Variants in SMURF1 observed in about 807,000 individuals in gnomAD.
SMURF1 encodes E3 ubiquitin-protein ligase SMURF1.
Under a neutral mutation model 98.0 loss-of-function variants are expected in SMURF1, and 44 were observed. That is an observed-to-expected ratio of 0.45 (90% confidence interval 0.35 to 0.58). The LOEUF (loss-of-function observed/expected upper bound fraction) is 0.58. Among genes scored for constraint, SMURF1 ranks in the 20% least tolerant of loss-of-function variants. SMURF1 has a pLI of 0.00. For synonymous variants in SMURF1, 396 were observed against 374.9 expected (o/e 1.06, Z -0.65); for missense variants, 687 against 938.4 (o/e 0.73, Z 3.50).
chr7:99,034,224 GCCAC>G (rs1795032952), intron 16 of SMURF1, among the ~76,000 whole-genome samples: 1 of 152,180 alleles, frequency 6.6e-6, no homozygotes, highest in African/African-American at 2.4e-5. Context: ...CTCTGCCCGG[GCCAC>G]CATTCAGTGC....
chr7:99,046,193 GT>G (rs1795567912), intron 10 of SMURF1, among the ~76,000 whole-genome samples: 1 of 152,122 alleles, frequency 6.6e-6, no homozygotes, highest in Non-Finnish European at 1.5e-5. Context: ...TGCTAAGAGA[GT>G]TCTGAGCCTC....
chr7:99,073,428 A>T (rs1296513247), intron 1 of SMURF1, among the ~76,000 whole-genome samples: 1 of 150,186 alleles, frequency 6.7e-6, no homozygotes, highest in Non-Finnish European at 1.5e-5. Context: ...TTTCCAGTCG[A>T]TGTAGCTAAC....
intron 1 of SMURF1, among the ~76,000 whole-genome samples, chr7:99,129,470 T>G (rs1797818682): frequency 6.6e-6 from 1 of 152,230 alleles, no homozygotes; most frequent in African/African-American, 2.4e-5. Context: ...CAGCTCATTG[T>G]AGCCTCAACC....
intron 1 of SMURF1, among the ~76,000 whole-genome samples, chr7:99,140,361 A>C (rs1798090698): frequency 7.4e-6 from 1 of 135,032 alleles, no homozygotes; most frequent in Admixed American, 9.1e-5. Context: ...ATCTCGGTTC[A>C]CTGCAAGCTC....
intron 3 of SMURF1, among the ~76,000 whole-genome samples, chr7:99,059,674 C>T (rs1471462327): frequency 6.6e-6 from 1 of 151,814 alleles, no homozygotes; most frequent in African/African-American, 2.4e-5. Context: ...CTTTGGGAGG[C>T]TGAGGCGGGT....
At chr7:99,040,707 G>A in intron 12 of SMURF1, 151 bp from the exon 13 acceptor site, 2 of 656,580 alleles carry the variant, frequency 3.0e-6, no homozygotes, top group Non-Finnish European at 4.4e-6. Context: ...CTGAACAAGT[G>A]AAAGAAGGCT....
At chr7:99,050,671 A>C (rs1795724801) in intron 8 of SMURF1, 1 of 386,220 alleles carries the variant, frequency 2.6e-6, no homozygotes, top group African/African-American at 2.0e-5. Flanking sequence ...TACAAAAGAG[A>C]CACCTCATTC....
chr7:99,044,847 T>C (rs7792660), intron 11 of SMURF1, among the ~76,000 whole-genome samples: 1,918 of 152,326 alleles, frequency 0.013, 41 homozygotes, highest in African/African-American at 0.044. Context: ...TAAGAAGCAG[T>C]TGTCTTAGCC....
chr7:99,139,783 A>G (rs1798073313), intron 1 of SMURF1, among the ~76,000 whole-genome samples: 1 of 152,254 alleles, frequency 6.6e-6, no homozygotes, highest in Admixed American at 6.5e-5. Context: ...AACATTCGTT[A>G]AAATGTTATT....
intron 1 of SMURF1, among the ~76,000 whole-genome samples, chr7:99,090,335 TG>T (rs1283652763): frequency 1.3e-5 from 2 of 152,136 alleles, no homozygotes; most frequent in Non-Finnish European, 2.9e-5. Context: ...TAGAACTAGT[TG>T]ATCATGGGTT....
At chr7:99,115,624 A>T (rs1797421613) in intron 1 of SMURF1, among the ~76,000 whole-genome samples, 1 of 151,326 alleles carries the variant, frequency 6.6e-6, no homozygotes, top group Non-Finnish European at 1.5e-5. Context: ...TACTCAACTT[A>T]AAAAAAAATA....
intron 11 of SMURF1, among the ~76,000 whole-genome samples, chr7:99,045,303 T>G (rs966803513): frequency 2.6e-5 from 4 of 152,248 alleles, no homozygotes; most frequent in Non-Finnish European, 1.5e-5. Flanking sequence ...GCAATTTACA[T>G]GCACAAATGC....
chr7:99,084,538 G>C (rs1036757212), intron 1 of SMURF1, among the ~76,000 whole-genome samples: 2 of 152,154 alleles, frequency 1.3e-5, no homozygotes, highest in African/African-American at 4.8e-5. Context: ...CAGGGAACTA[G>C]ATATCAAGAA....
intron 1 of SMURF1, among the ~76,000 whole-genome samples, chr7:99,083,387 C>T (rs1040569791): frequency 6.6e-5 from 10 of 152,176 alleles, no homozygotes; most frequent in African/African-American, 2.2e-4. Flanking sequence ...TACTTGGAAA[C>T]ATTAACTCCT....
At chr7:99,100,050 TTG>T (rs979231892) in intron 1 of SMURF1, among the ~76,000 whole-genome samples, 4 of 152,106 alleles carry the variant, frequency 2.6e-5, no homozygotes, top group African/African-American at 4.8e-5. Flanking sequence ...CACAGGTTTT[TTG>T]TGTGTGTTCA....
intron 1 of SMURF1, chr7:99,081,540 T>C (rs1438573055): frequency 6.6e-6 from 1 of 152,234 alleles, no homozygotes; most frequent in Non-Finnish European, 1.5e-5. Flanking sequence ...TCCAACATTC[T>C]GGGGAACTGT....
At chr7:99,101,677 C>T (rs145008207) in intron 1 of SMURF1, among the ~76,000 whole-genome samples, 4 of 152,314 alleles carry the variant, frequency 2.6e-5, no homozygotes, top group African/African-American at 7.2e-5. Context: ...TGGTGGCTCA[C>T]GCCTGTAATC....
At chr7:99,129,031 A>T (rs1797804219) in intron 1 of SMURF1, among the ~76,000 whole-genome samples, 1 of 152,174 alleles carries the variant, frequency 6.6e-6, no homozygotes, top group Admixed American at 6.5e-5. Context: ...TTTAGATCAT[A>T]CTCTATTATG....
At chr7:99,049,975 G>A in intron 8 of SMURF1, 1 of 319,008 alleles carries the variant, frequency 3.1e-6, no homozygotes, top group Middle Eastern at 8.4e-4. Flanking sequence ...CACTCTGGGA[G>A]GCAAGTGAAT....
Sources: gnomAD v4.1 joint callset for allele counts (sites outside exome capture counted in the v4.1 genomes callset) on GRCh38, gnomAD v4.1.1 for gene constraint, MANE v1.5 for transcripts, NCBI Gene and HGNC (gene_info 2026-07-23, HGNC 2026-07-21) for gene names.